Variants in PGM2 observed in about 807,000 individuals in gnomAD.
PGM2 encodes the protein phosphopentomutase.
Under a neutral mutation model 74.6 loss-of-function variants are expected in PGM2, and 57 were observed. The observed-to-expected ratio is 0.76, with a 90% CI of 0.62 to 0.95. PGM2 has a LOEUF of 0.95. PGM2 is among the 40% of genes least tolerant of loss of function. PGM2 has a pLI of 0.00. For synonymous variants in PGM2, 273 were observed against 260.7 expected (o/e 1.05, Z -0.46); for missense variants, 706 against 741.9 (o/e 0.95, Z 0.56).
chr4:37,858,296 C>G (rs1467662804), intron 13 of PGM2, among the ~76,000 whole-genome samples: 1 of 151,934 alleles, frequency 6.6e-6, no homozygotes, highest in Non-Finnish European at 1.5e-5. Context: ...AAGCAAGGCA[C>G]CAGCATACCT....
chr4:37,850,797 C>G (rs1560419514), intron 12 of PGM2, among the ~76,000 whole-genome samples: 1 of 151,628 alleles, frequency 6.6e-6, no homozygotes, highest in Non-Finnish European at 1.5e-5. Flanking sequence ...TCAAGACCAG[C>G]CTGGCCAACA....
Position 37,848,254 on chromosome 4 carries a change from A to C in PGM2, c.1283-268A>C, listed in dbSNP as rs565210119. ...TGTATTGACTAGGACAATTAGAAAC[A>C]ATTTCATGAGCTGGAAGGAGTTTCA... On this transcript the variant is annotated intron_variant, in intron 10 of 13. Coordinates refer to ENST00000381967, the MANE Select transcript of PGM2 (RefSeq NM_018290.4). Among the ~76,000 whole-genome samples, 9 of 152,356 alleles carry C rather than the reference A, an allele frequency of 5.9e-5. No individual in the cohort carries two copies. The South Asian group carries it at 1.7e-3, about 28-fold the overall frequency.
chr4:37,833,169 C>G (rs1482723674), intron 2 of PGM2, among the ~76,000 whole-genome samples: 1 of 152,102 alleles, frequency 6.6e-6, no homozygotes, highest in African/African-American at 2.4e-5. Context: ...GAAGATAATC[C>G]CAGTGCAATG....
intron 3 of PGM2, among the ~76,000 whole-genome samples, chr4:37,835,517 A>G (rs1725545424): frequency 1.3e-5 from 2 of 152,236 alleles, no homozygotes; most frequent in South Asian, 4.1e-4. Context: ...GCCCGTAACC[A>G]TGTTACATAA....
rs1725307649 is a variant in PGM2 at position 37,826,931 on chromosome 4, C to T, written c.81+118C>T. The T allele has an allele frequency of 6.2e-6, 4 of 641,298 alleles. No homozygotes were observed. In the South Asian group the frequency reaches 7.6e-5, roughly 12 times the overall value. 39.7% of individuals were successfully genotyped at this position (641,298 alleles called of 1,614,324 possible). On this transcript the variant is annotated intron_variant, in intron 1 of 13. Coordinates refer to ENST00000381967, the MANE Select transcript of PGM2 (RefSeq NM_018290.4). ...TTCCCGCCCAGTGCATCCCGCTTCT[C>T]CCCCGGGAAGACCCAGGAGCGTACG...
At chr4:37,850,408 T>C in intron 12 of PGM2, 35 bp downstream of exon 12, 2 of 1,173,698 alleles carry the variant, frequency 1.7e-6, no homozygotes, top group Non-Finnish European at 1.2e-6. Flanking sequence ...CTAACCTCTT[T>C]TCTATTTACC....
At chr4:37,858,728 C>T (rs1426061203) in intron 13 of PGM2, among the ~76,000 whole-genome samples, 1 of 152,078 alleles carries the variant, frequency 6.6e-6, no homozygotes, top group Non-Finnish European at 1.5e-5. Flanking sequence ...TCATAAATTT[C>T]AATTATTCAT....
intron 3 of PGM2, 48 bp downstream of exon 3, chr4:37,834,772 G>T: frequency 1.1e-6 from 1 of 932,162 alleles, no homozygotes; most frequent in Non-Finnish European, 1.7e-6. Flanking sequence ...TTATTTTGCA[G>T]TTTTATTTTA....
At chr4:37,845,833 C>T (rs79312218) in intron 8 of PGM2, 103 bp downstream of exon 8, 1 of 768,870 alleles carries the variant, frequency 1.3e-6, no homozygotes, top group Admixed American at 2.2e-5. Context: ...AAACATTTCC[C>T]ATTTATTTTG....
rs1163392604 is a variant in PGM2 at position 37,862,115 on chromosome 4, A to T, written c.*503A>T. The T allele has an allele frequency of 6.5e-6, 1 of 152,800 alleles. No individual in the cohort carries two copies. Among genetic ancestry groups the T allele is most frequent in the Non-Finnish European group, 1.5e-5 (1 of 68,462 alleles). The allele number at this position is 152,800 out of a possible 1,614,324, so 9.5% of individuals were successfully genotyped here. On this transcript the variant is annotated 3_prime_UTR_variant, in exon 14 of 14. Transcript: ENST00000381967. Reference sequence around the variant, plus strand: ...AATGTTGTGTTCATGTTTGGGGAAAATATAATTTGCAGAAACCTATGAAGT... The same window carrying T: ...AATGTTGTGTTCATGTTTGGGGAAATTATAATTTGCAGAAACCTATGAAGT...
At chr4:37,861,149 T>C (rs945803711) in intron 13 of PGM2, among the ~76,000 whole-genome samples, 1 of 152,274 alleles carries the variant, frequency 6.6e-6, no homozygotes, top group African/African-American at 2.4e-5. Flanking sequence ...CAGGATTTAA[T>C]GGCAACTGAC....
At position 37,826,716 on chromosome 4, in the gene PGM2, G is replaced by T. The variant is rs777467258; in HGVS notation, c.-17G>T. On this transcript the variant is annotated 5_prime_UTR_variant, in exon 1 of 14. Coordinates refer to ENST00000381967, the MANE Select transcript of PGM2 (RefSeq NM_018290.4). ...TCACCGCCTGCTTCCCTCTGCAGCGGTAGCACAAGCTCAGCGATGGCGGCT... is the reference window on the plus strand; with the variant it reads ...TCACCGCCTGCTTCCCTCTGCAGCGTTAGCACAAGCTCAGCGATGGCGGCT... 2.6e-6 allele frequency: 4 copies of T among 1,545,820 alleles called. No homozygotes were observed. The East Asian group carries it at 9.8e-5, about 38-fold the overall frequency.
intron 12 of PGM2, among the ~76,000 whole-genome samples, chr4:37,851,057 A>ATAAGTGAT (rs1726027569): frequency 1.3e-5 from 2 of 151,802 alleles, no homozygotes; most frequent in Non-Finnish European, 2.9e-5. Context: ...ACCTTAGGCA[A>ATAAGTGAT]TAAGTGATCA....
intron 2 of PGM2, 33 bp downstream of exon 2, chr4:37,830,164 A>C (rs779560503): frequency 7.2e-6 from 10 of 1,398,292 alleles, no homozygotes; most frequent in Non-Finnish European, 9.6e-6. Context: ...TAGTAACTCA[A>C]TGTATCCCCT....
intron 2 of PGM2, 56 bp downstream of exon 2, chr4:37,830,187 A>G: frequency 4.0e-6 from 5 of 1,251,000 alleles, no homozygotes; most frequent in Non-Finnish European, 4.3e-6. Flanking sequence ...CTCATTTTCT[A>G]TTTGGCAGAC....
intron 12 of PGM2, among the ~76,000 whole-genome samples, chr4:37,853,359 CTTTTTTTTTT>C (rs11358189): frequency 4.0e-5 from 5 of 125,146 alleles, no homozygotes; most frequent in African/African-American, 6.5e-5. Flanking sequence ...GGTGATATTC[CTTTTTTTTTT>C]TTTTTTTTTT....
At position 37,848,622 on chromosome 4, in the gene PGM2, G is replaced by A. The variant is rs1725944517; in HGVS notation, c.1383G>A (p.Leu461=). Residue 461 remains leucine, a synonymous_variant, in exon 11 of 14, where the codon TTG becomes TTA. Transcript: ENST00000381967. ...TCCTAGCAACCAAGAATTTGTCTTT[G>A]TCTCAGCAACTAAAGGCCATTTATG... The part of the protein sequence containing the change: ...ASFLATKNLS[L]SQQLKAIYVE... The A allele has an allele frequency of 1.2e-6, 2 of 1,613,726 alleles. No individual in the cohort carries two copies. Among genetic ancestry groups the A allele is most frequent in the African/African-American group, 2.7e-5 (2 of 74,924 alleles).
In PGM2 at chr4:37,840,080, T is replaced by C; in HGVS notation, c.540T>C (p.Asn180=). ...QDNGYKVYWD[N]GAQIISPHDK... is the part of the protein sequence containing the mutation. ...GGGTCCTCTAGGTCTATTGGGATAA[T>C]GGAGCTCAGATCATTTCTCCTCACG... The change falls in exon 6 of 14, where the codon AAT becomes AAC. Residue 180 remains asparagine, a synonymous_variant. Coordinates refer to ENST00000381967, the MANE Select transcript of PGM2 (RefSeq NM_018290.4). 1 of 1,613,698 alleles carries C rather than the reference T, an allele frequency of 6.2e-7. No homozygotes were observed.
At chr4:37,854,853 A>T (rs1201030252) in intron 12 of PGM2, among the ~76,000 whole-genome samples, 1 of 152,288 alleles carries the variant, frequency 6.6e-6, no homozygotes, top group East Asian at 1.9e-4. Context: ...AGGGAAGTAA[A>T]AGCTAATACA....
Sources: allele counts gnomAD v4.1 joint callset (sites outside exome capture counted in the v4.1 genomes callset), GRCh38; gene constraint gnomAD v4.1.1; transcripts MANE v1.5; gene names NCBI Gene and HGNC (gene_info 2026-07-23, HGNC 2026-07-21).